CLHC1: variants seen among roughly 807,000 people sequenced by gnomAD.
CLHC1 encodes clathrin heavy chain linker domain containing 1, also known as clathrin heavy chain linker domain-containing protein 1.
In CLHC1, 72 loss-of-function variants were observed where a neutral mutation model predicts 69.5. The ratio of observed to expected loss-of-function variants is 1.04; its 90% CI spans 0.86 to 1.26. CLHC1 has a LOEUF of 1.26. Among genes scored for constraint, CLHC1 ranks in the 50% most tolerant of loss-of-function variants. The pLI, the probability that CLHC1 is intolerant of heterozygous loss-of-function variation, is 0.00. For synonymous variants in CLHC1, 223 were observed against 224.3 expected (o/e 0.99, Z 0.05); for missense variants, 790 against 679.3 (o/e 1.16, Z -1.81).
chr2:55,175,720 A>G lies in CLHC1; in HGVS notation c.*70T>C. On this transcript the variant is annotated 3_prime_UTR_variant, in exon 13 of 13. Transcript: ENST00000401408. ...GATTTATTTATAAGTTAGTTACGTT[A>G]AAATCAGTTTTTCCCAACCAGCATA... 1 of 1,037,828 alleles carries G rather than the reference A, an allele frequency of 9.6e-7. No homozygotes were observed. Among genetic ancestry groups the G allele is most frequent in the Non-Finnish European group, 1.4e-6 (1 of 701,786 alleles). 64.3% of individuals were successfully genotyped at this position (1,037,828 alleles called of 1,614,324 possible). A position where few individuals can be genotyped will look rare whatever the true frequency, so the allele number is the denominator to read the frequency against.
At position 55,209,399 on chromosome 2, in the gene CLHC1, T is replaced by A. The variant is rs187884592; in HGVS notation, c.814+5A>T. ...GGTACTAATTTAAAAATATAGATAA[T>A]CTACCTTGTAAATATTTGGTTTTCT... is the stretch of plus-strand genomic sequence containing the variant. On this transcript the variant is annotated splice_donor_5th_base_variant and intron_variant, in intron 7 of 12. Transcript: ENST00000401408. 1 of 1,543,790 alleles carries A rather than the reference T, an allele frequency of 6.5e-7. No homozygotes were observed. Among genetic ancestry groups the A allele is most frequent in the East Asian group, 2.2e-5 (1 of 44,522 alleles).
rs1435521265 is a variant in CLHC1 at position 55,216,037 on chromosome 2, G to A, written c.365+1774C>T. ...TGCCTGTAATTCCAGCACTTTGGGAGGCCGAGGCGGGCGGATCACCTGAGG... is the reference window on the plus strand; with the variant it reads ...TGCCTGTAATTCCAGCACTTTGGGAAGCCGAGGCGGGCGGATCACCTGAGG... On this transcript the variant is annotated intron_variant, in intron 4 of 12. Coordinates refer to ENST00000401408, the MANE Select transcript of CLHC1 (RefSeq NM_152385.4). 1.3e-5 allele frequency: 2 copies of A among 151,000 alleles called. 1 individual carries two copies. The highest frequency in any genetic ancestry group is 4.9e-5 in the African/African-American group (2 of 41,052). 9.4% of individuals were successfully genotyped at this position (151,000 alleles called of 1,614,324 possible).
chr2:55,176,003 C>A lies in CLHC1; in HGVS notation c.1565-17G>T. ...CTACTGCATCTGTGGGGAAAAAATA[C>A]AATATTATAGTATGGCACTTATTTG... On this transcript the variant is annotated splice_polypyrimidine_tract_variant and intron_variant, in intron 12 of 12. Coordinates refer to ENST00000401408, the MANE Select transcript of CLHC1 (RefSeq NM_152385.4). 1.3e-6 allele frequency: 2 copies of A among 1,589,720 alleles called. No individual in the cohort carries two copies. The highest frequency in any genetic ancestry group is 1.7e-6 in the Non-Finnish European group (2 of 1,158,996).
rs376537923 is a variant in CLHC1 at position 55,222,457 on chromosome 2, G to C, written c.-46C>G. On this transcript the variant is annotated 5_prime_UTR_variant, in exon 3 of 13. Coordinates refer to ENST00000401408, the MANE Select transcript of CLHC1 (RefSeq NM_152385.4). ...GTTCACTGAAGAACAGCTAAATCTT[G>C]ACCTGCTCTTGCAACAAAGCCAAAA... 5.0e-5 allele frequency: 74 copies of C among 1,480,098 alleles called. No homozygotes were observed. The highest frequency in any genetic ancestry group is 1.7e-4 in the East Asian group (7 of 42,172). The allele number at this position is 1,480,098 out of a possible 1,614,324, so 91.7% of individuals were successfully genotyped here.
chr2:55,218,056 G>T, intron 3 of CLHC1, 58 bp from the exon 4 acceptor site: 1 of 875,242 alleles, frequency 1.1e-6, no homozygotes. Flanking sequence ...GCTATGGATT[G>T]AAATTCTTGC....
chr2:55,226,238 T>C lies in CLHC1; in HGVS notation c.-83+1794A>G, dbSNP rs143056250. On this transcript the variant is annotated intron_variant, in intron 2 of 12. Transcript: ENST00000401408. The stretch of plus-strand genomic sequence containing the variant: ...GTTTTTACTGAAAAAAAAAAAATTG[T>C]CCAACTGAAGTTGGATACAGAAGTT... 2.8e-3 allele frequency among the ~76,000 whole-genome samples: 420 copies of C among 151,628 alleles called. 2 individuals carry two copies. The highest frequency in any genetic ancestry group is 9.9e-3 in the African/African-American group (408 of 41,346).
intron 5 of CLHC1, among the ~76,000 whole-genome samples, chr2:55,211,059 C>T (rs1672947952): frequency 6.6e-6 from 1 of 152,154 alleles, no homozygotes; most frequent in Non-Finnish European, 1.5e-5. Flanking sequence ...AAATACTCCT[C>T]CCCCAGAAAC....
chr2:55,232,563 G>C, upstream of CLHC1: 1 of 564,450 alleles, frequency 1.8e-6, no homozygotes, highest in South Asian at 2.0e-5. Context: ...CGAAGTTCAC[G>C]TCCTAGTCTG....
chr2:55,210,156 G>C (rs1276585202), intron 5 of CLHC1, among the ~76,000 whole-genome samples: 1 of 151,380 alleles, frequency 6.6e-6, no homozygotes, highest in Non-Finnish European at 1.5e-5. Context: ...CACTGTGCCA[G>C]GCCAGGCTAG....
At chr2:55,191,882 C>T (rs1670965985) in intron 9 of CLHC1, among the ~76,000 whole-genome samples, 1 of 152,012 alleles carries the variant, frequency 6.6e-6, no homozygotes, top group Non-Finnish European at 1.5e-5. Context: ...CACACCTGCA[C>T]TCCCAGTTAC....
chr2:55,189,668 G>A (rs1670736360), intron 9 of CLHC1, among the ~76,000 whole-genome samples: 1 of 152,190 alleles, frequency 6.6e-6, no homozygotes, highest in East Asian at 1.9e-4. Flanking sequence ...CCAGAAGAAA[G>A]AGAGCTGCCT....
chr2:55,184,122 T>TC (rs1670188116), intron 9 of CLHC1, among the ~76,000 whole-genome samples: 1 of 150,256 alleles, frequency 6.7e-6, no homozygotes, highest in Non-Finnish European at 1.5e-5. Flanking sequence ...TTTTTTTTTT[T>TC]CGAGACAGGG....
intron 7 of CLHC1, among the ~76,000 whole-genome samples, chr2:55,209,117 C>T (rs113803273): frequency 7.2e-5 from 11 of 152,200 alleles, no homozygotes; most frequent in African/African-American, 2.6e-4. Context: ...TCGTGATCTG[C>T]CCGTCTCAGC....
At chr2:55,184,564 ATAAGT>A (rs1670241673) in intron 9 of CLHC1, among the ~76,000 whole-genome samples, 1 of 152,166 alleles carries the variant, frequency 6.6e-6, no homozygotes, top group South Asian at 2.1e-4. Context: ...ATGTTTTGTG[ATAAGT>A]TAAATATATA....
At chr2:55,231,907 C>T (rs1675417029) in intron 1 of CLHC1, 1 of 152,130 alleles carries the variant, frequency 6.6e-6, no homozygotes, top group Admixed American at 6.5e-5. Context: ...ACACACAAGA[C>T]CCAGACTCTT....
chr2:55,176,332 T>C (rs1296359077), intron 12 of CLHC1, among the ~76,000 whole-genome samples: 1 of 152,194 alleles, frequency 6.6e-6, no homozygotes, highest in African/African-American at 2.4e-5. Context: ...GGCTCATCCT[T>C]ATTCACAGAG....
In CLHC1 at chr2:55,209,692, T is replaced by A. The variant is rs1278306682; in HGVS notation, c.639A>T (p.Glu213Asp). Reference sequence around the variant, plus strand: ...CTCGCCGTTTTAATAACACAATCATTTCTTCATCTAAATCAGCCTTCCTCT... The same window carrying A: ...CTCGCCGTTTTAATAACACAATCATATCTTCATCTAAATCAGCCTTCCTCT... Reference protein sequence around the residue: ...PAQRKADLDEEMIVLLKRRDV... With the variant: ...PAQRKADLDEDMIVLLKRRDV... Residue 213 changes from glutamate (E) to aspartate (D), a missense_variant, in exon 6 of 13, where the codon GAA becomes GAT. By Grantham distance (45) the Glu-to-Asp change is conservative. Transcript: ENST00000401408. 6 of 1,614,006 alleles carry A rather than the reference T, an allele frequency of 3.7e-6. No individual in the cohort carries two copies. The highest frequency in any genetic ancestry group is 1.1e-5 in the South Asian group (1 of 91,080).
At chr2:55,181,512 A>C in intron 10 of CLHC1, 58 bp downstream of exon 10, 1 of 1,307,740 alleles carries the variant, frequency 7.6e-7, no homozygotes, top group Non-Finnish European at 1.1e-6. Flanking sequence ...ATATTTTTAG[A>C]ACAAACAACT....
rs764830658 is a variant in CLHC1, at chr2:55,175,556, A to G, written c.*234T>C. On this transcript the variant is annotated 3_prime_UTR_variant, in exon 13 of 13. Transcript: ENST00000401408. ...GCCCTACACTGTTTCACACAAAGTT[A>G]TAATCTTGGATTTTATCAAGATTCA... 1 of 491,588 alleles carries G rather than the reference A, an allele frequency of 2.0e-6. No individual in the cohort carries two copies. Among genetic ancestry groups the G allele is most frequent in the Non-Finnish European group, 3.6e-6 (1 of 276,394 alleles). The allele number at this position is 491,588 out of a possible 1,614,324, so 30.5% of individuals were successfully genotyped here.
Sources: allele counts gnomAD v4.1 joint callset (sites outside exome capture counted in the v4.1 genomes callset), GRCh38; gene constraint gnomAD v4.1.1; transcripts MANE v1.5; gene names NCBI Gene and HGNC (gene_info 2026-07-23, HGNC 2026-07-21).